TAF1D: variants seen among roughly 807,000 people sequenced by gnomAD.
TAF1D encodes TATA-box binding protein associated factor, RNA polymerase I subunit D, also known as TATA box-binding protein-associated factor RNA polymerase I subunit D.
In TAF1D, 23 loss-of-function variants were observed where a neutral mutation model predicts 26.2. The ratio of observed to expected loss-of-function variants is 0.88; its 90% CI spans 0.63 to 1.25. The LOEUF (loss-of-function observed/expected upper bound fraction) is 1.25. TAF1D is among the 50% of genes most tolerant of loss of function. The pLI, the probability that TAF1D is intolerant of heterozygous loss-of-function variation, is 0.00. For synonymous variants in TAF1D, 100 were observed against 105.6 expected (o/e 0.95, Z 0.33); for missense variants, 299 against 322.0 (o/e 0.93, Z 0.55).
chr11:93,731,139 C>A, downstream of TAF1D: 1 of 483,068 alleles, frequency 2.1e-6, no homozygotes. Flanking sequence ...AAGATAAAAA[C>A]CATTACTTGC....
Position 93,738,509 on chromosome 11 carries a change from T to C in TAF1D, c.69-10A>G. On this transcript the variant is annotated splice_polypyrimidine_tract_variant and intron_variant, in intron 2 of 5. Coordinates refer to ENST00000448108, the MANE Select transcript of TAF1D (RefSeq NM_024116.4). ...ATCAGAAGAGTTATCACTAGAAAAATGGGAAAAAAATTAATTTCATCTTCT... is the reference window on the plus strand; with the variant it reads ...ATCAGAAGAGTTATCACTAGAAAAACGGGAAAAAAATTAATTTCATCTTCT... The C allele has an allele frequency of 6.5e-7, 1 of 1,546,012 alleles. No homozygotes were observed. Among genetic ancestry groups the C allele is most frequent in the Non-Finnish European group, 8.7e-7 (1 of 1,152,098 alleles).
chr11:93,735,610 G>T lies in TAF1D; in HGVS notation c.*551C>A. The T allele has an allele frequency of 1.2e-6, 1 of 856,864 alleles. No individual in the cohort carries two copies. The highest frequency in any genetic ancestry group is 1.4e-6 in the Non-Finnish European group (1 of 708,400). The allele number at this position is 856,864 out of a possible 1,614,324, so 53.1% of individuals were successfully genotyped here. On this transcript the variant is annotated 3_prime_UTR_variant, in exon 6 of 6. Coordinates refer to ENST00000448108, the MANE Select transcript of TAF1D (RefSeq NM_024116.4). ...TTGAACCCGGGAGATGGAGGTTGCA[G>T]TAAGCCAAGACTGCGGCCATTGCAC...
At chr11:93,740,054 AAC>A (rs1490567467) in intron 1 of TAF1D, among the ~76,000 whole-genome samples, 4 of 151,688 alleles carry the variant, frequency 2.6e-5, no homozygotes, top group African/African-American at 4.8e-5. Context: ...AGGCCTGTGT[AAC>A]ACAGCACTTT....
In TAF1D at chr11:93,738,387, C is replaced by A; in HGVS notation, c.181G>T (p.Ala61Ser). The change falls in exon 3 of 6, where the codon GCA becomes TCA. Residue 61 changes from alanine (A) to serine (S), a missense_variant. Physicochemically the swap from Ala to Ser is moderately conservative, Grantham distance 99. Transcript: ENST00000448108. The stretch of plus-strand genomic sequence containing the variant: ...GATGAGTCACTTGATGAATCACTTG[C>A]GTGAACACTTTCAGGTGTACGAACA... ...KFVRTPESVH[A>S]SDSSSDSSFE... The A allele has an allele frequency of 6.2e-7, 1 of 1,613,870 alleles. No individual in the cohort carries two copies. The highest frequency in any genetic ancestry group is 1.1e-5 in the South Asian group (1 of 91,020).
intron 2 of TAF1D, chr11:93,739,032 A>C (rs898595043): frequency 9.1e-6 from 5 of 551,512 alleles, no homozygotes; most frequent in East Asian, 6.1e-5. Context: ...TTTCTCGACG[A>C]ATGTGTCCCA....
intron 1 of TAF1D, among the ~76,000 whole-genome samples, chr11:93,740,768 A>G (rs994182673): frequency 7.9e-5 from 12 of 152,206 alleles, no homozygotes; most frequent in Non-Finnish European, 1.6e-4. Flanking sequence ...ATTTGCCCCC[A>G]TGCTTTAACG....
Position 93,735,667 on chromosome 11 carries a change from TA to T in TAF1D, c.*493del. 17 of 995,846 alleles carry T rather than the reference TA, an allele frequency of 1.7e-5. No homozygotes were observed. Among genetic ancestry groups the T allele is most frequent in the South Asian group, 1.3e-4 (3 of 23,516 alleles). The allele number at this position is 995,846 out of a possible 1,614,324, so 61.7% of individuals were successfully genotyped here. A position where few individuals can be genotyped will look rare whatever the true frequency, so the allele number is the denominator to read the frequency against. ...CTGGGTGACAGATCGAGACTCTGTC[TA>T]AAAAAAATAGTATTAAAGATACTCT... On this transcript the variant is annotated 3_prime_UTR_variant, in exon 6 of 6. Coordinates refer to ENST00000448108, the MANE Select transcript of TAF1D (RefSeq NM_024116.4).
chr11:93,734,780 C>T, downstream of TAF1D: 1 of 1,256,924 alleles, frequency 8.0e-7, no homozygotes, highest in Non-Finnish European at 1.0e-6. Context: ...CTGGAATCAA[C>T]CTTTTTTTCT....
At chr11:93,734,967 T>G, downstream of TAF1D, 1 of 1,092,822 alleles carries the variant, frequency 9.2e-7, no homozygotes, top group Non-Finnish European at 1.2e-6. Flanking sequence ...TCTTACTTTC[T>G]TGCCTAGGCT....
chr11:93,730,896 G>T (rs1230632978), downstream of TAF1D: 2 of 462,170 alleles, frequency 4.3e-6, no homozygotes, highest in East Asian at 5.5e-5. Context: ...AGATCTAGGA[G>T]AATTTTCAAA....
chr11:93,731,807 T>G (rs915245307), downstream of TAF1D: 2 of 352,182 alleles, frequency 5.7e-6, no homozygotes, highest in African/African-American at 4.3e-5. Flanking sequence ...GTCCTAGAAG[T>G]TGAATTGTAC....
chr11:93,737,683 A>C (rs1941077225), intron 3 of TAF1D, among the ~76,000 whole-genome samples: 1 of 152,234 alleles, frequency 6.6e-6, no homozygotes, highest in Admixed American at 6.5e-5. Context: ...CCTAAGTATT[A>C]GCGTATTTTT....
intron 4 of TAF1D, 23 bp from the exon 5 acceptor site, chr11:93,736,774 C>T (rs780020039): frequency 2.1e-5 from 33 of 1,598,110 alleles, no homozygotes; most frequent in African/African-American, 5.4e-5. Flanking sequence ...AATTTATCAT[C>T]GAGATGACAG....
chr11:93,731,316 C>T (rs557497057), downstream of TAF1D: 15 of 341,092 alleles, frequency 4.4e-5, no homozygotes, highest in African/African-American at 1.7e-4. Flanking sequence ...TCCTGAAACC[C>T]GGCACCCCAA....
In TAF1D at chr11:93,736,002, A is replaced by C. The variant is rs1940686098; in HGVS notation, c.*159T>G. The stretch of plus-strand genomic sequence containing the variant: ...TTACTACTTCACAAGTTTCTTTCAC[A>C]AACTTCTTCACAGGGTTAAAAATTT... On this transcript the variant is annotated 3_prime_UTR_variant, in exon 6 of 6. Coordinates refer to ENST00000448108, the MANE Select transcript of TAF1D (RefSeq NM_024116.4). The C allele has an allele frequency of 7.2e-7, 1 of 1,389,116 alleles. No homozygotes were observed. The highest frequency in any genetic ancestry group is 1.7e-5 in the South Asian group (1 of 60,004). The allele number at this position is 1,389,116 out of a possible 1,614,324, so 86.0% of individuals were successfully genotyped here.
downstream of TAF1D, chr11:93,734,725 T>C: frequency 7.8e-7 from 1 of 1,286,790 alleles, no homozygotes; most frequent in Non-Finnish European, 1.0e-6. Flanking sequence ...TTAATACTGC[T>C]GAGGATTTCC....
chr11:93,733,605 T>G (rs565408490), downstream of TAF1D: 1 of 506,754 alleles, frequency 2.0e-6, no homozygotes, highest in Admixed American at 2.1e-5. Context: ...AACCACTATT[T>G]ACAAGGTTTT....
chr11:93,735,228 A>T (rs202035133), downstream of TAF1D: 16 of 1,350,678 alleles, frequency 1.2e-5, no homozygotes, highest in Non-Finnish European at 1.3e-5. Context: ...AAAAACATAC[A>T]TAAGTGCAGT....
downstream of TAF1D, chr11:93,732,984 G>A (rs774730881): frequency 6.7e-5 from 21 of 312,300 alleles, no homozygotes; most frequent in Non-Finnish European, 1.1e-4. Flanking sequence ...ATTTTTGCCA[G>A]TATCTTACTA....
Sources: gnomAD v4.1 joint callset for allele counts (sites outside exome capture counted in the v4.1 genomes callset) on GRCh38, gnomAD v4.1.1 for gene constraint, MANE v1.5 for transcripts, NCBI Gene and HGNC (gene_info 2026-07-23, HGNC 2026-07-21) for gene names.